FOXP2: variants seen among roughly 807,000 people sequenced by gnomAD.
FOXP2 encodes forkhead box P2.
Under a neutral mutation model 115.8 loss-of-function variants are expected in FOXP2, and 12 were observed. The observed-to-expected ratio is 0.10, with a 90% CI of 0.07 to 0.17. The LOEUF (loss-of-function observed/expected upper bound fraction) is 0.17, where lower values mean the gene tolerates loss of function less well. Ranked by LOEUF, FOXP2 falls within the 10% of genes least tolerant of loss-of-function variation. The pLI, the probability that FOXP2 is intolerant of heterozygous loss-of-function variation, is 1.00. For missense variants in FOXP2, 629 were observed against 843.5 expected (o/e 0.75, Z 3.15); for synonymous variants, 328 against 297.7 (o/e 1.10, Z -1.05).
chr7:114,268,484 C>A (rs183816649), intron 1 of FOXP2, among the ~76,000 whole-genome samples: 1 of 152,228 alleles, frequency 6.6e-6, no homozygotes, highest in African/African-American at 2.4e-5. Flanking sequence ...AATATCCATA[C>A]AAATTTTGTG....
intron 1 of FOXP2, among the ~76,000 whole-genome samples, chr7:114,190,168 A>G (rs555757492): frequency 6.6e-6 from 1 of 152,292 alleles, no homozygotes; most frequent in South Asian, 2.1e-4. Context: ...TAATTTTATA[A>G]ATCAACTTGA....
chr7:114,499,173 A>G (rs1185940305), intron 2 of FOXP2: 1 of 460,072 alleles, frequency 2.2e-6, no homozygotes, highest in East Asian at 3.5e-5. Context: ...GAATCATGAG[A>G]TCCAGCTCAC....
At chr7:114,116,259 G>A (rs1281063946) in intron 1 of FOXP2, among the ~76,000 whole-genome samples, 1 of 152,126 alleles carries the variant, frequency 6.6e-6, no homozygotes, top group African/African-American at 2.4e-5. Context: ...AGCCTTCCAG[G>A]ATTGGGCTAG....
chr7:114,644,175 T>C (rs1396157466), intron 7 of FOXP2, among the ~76,000 whole-genome samples: 1 of 152,168 alleles, frequency 6.6e-6, no homozygotes, highest in Non-Finnish European at 1.5e-5. Context: ...ATAAAGCTAA[T>C]GAATACTGTT....
At chr7:114,366,507 A>G (rs1278930915) in intron 2 of FOXP2, 3 of 152,158 alleles carry the variant, frequency 2.0e-5, no homozygotes, top group Non-Finnish European at 4.4e-5. Context: ...CTAAAAAGCC[A>G]GTACTCATAT....
At chr7:114,512,389 T>C (rs922310392) in intron 2 of FOXP2, among the ~76,000 whole-genome samples, 15 of 152,178 alleles carry the variant, frequency 9.9e-5, no homozygotes, top group African/African-American at 3.4e-4. Flanking sequence ...TCTCAAAAGC[T>C]TATTTATAAC....
At chr7:114,501,970 A>G (rs939937636) in intron 2 of FOXP2, among the ~76,000 whole-genome samples, 1 of 152,072 alleles carries the variant, frequency 6.6e-6, no homozygotes, top group Non-Finnish European at 1.5e-5. Context: ...TCTTATTTTA[A>G]CTTAAATCTC....
chr7:114,460,931 A>T (rs985705563), intron 2 of FOXP2, among the ~76,000 whole-genome samples: 12 of 152,292 alleles, frequency 7.9e-5, no homozygotes, highest in African/African-American at 2.9e-4. Context: ...CCTCTATCCG[A>T]ATCTTTACCA....
chr7:114,513,865 A>G (rs1357019756), intron 2 of FOXP2, among the ~76,000 whole-genome samples: 4 of 152,086 alleles, frequency 2.6e-5, no homozygotes, highest in Admixed American at 1.3e-4. Flanking sequence ...CACAAACAAA[A>G]GGCATACAGG....
chr7:114,545,232 G>T (rs1233468526), intron 3 of FOXP2, among the ~76,000 whole-genome samples: 2 of 152,138 alleles, frequency 1.3e-5, no homozygotes, highest in East Asian at 3.8e-4. Flanking sequence ...CCCTTGCAAT[G>T]AAAAGGCTGA....
At chr7:114,639,243 A>G (rs1205573817) in intron 6 of FOXP2, among the ~76,000 whole-genome samples, 2 of 152,200 alleles carry the variant, frequency 1.3e-5, no homozygotes, top group Admixed American at 6.5e-5. Flanking sequence ...CTGGTCTTGT[A>G]TTGTAGCAAT....
intron 3 of FOXP2, among the ~76,000 whole-genome samples, chr7:114,548,706 T>C (rs1428117020): frequency 6.6e-6 from 1 of 152,156 alleles, no homozygotes; most frequent in Non-Finnish European, 1.5e-5. Flanking sequence ...CAATACAAAG[T>C]AAACTATGCA....
chr7:114,423,496 A>G (rs550197584), intron 1 of FOXP2, among the ~76,000 whole-genome samples: 104 of 151,776 alleles, frequency 6.9e-4, no homozygotes, highest in Non-Finnish European at 1.2e-3. Flanking sequence ...GTACGATGAA[A>G]GACTTAAGGG....
intron 3 of FOXP2, among the ~76,000 whole-genome samples, chr7:114,589,140 T>G (rs1802310400): frequency 6.6e-6 from 1 of 152,190 alleles, no homozygotes; most frequent in Non-Finnish European, 1.5e-5. Flanking sequence ...AGATACAAAT[T>G]GCAAGATTCT....
chr7:114,449,937 G>A (rs938968552), intron 2 of FOXP2, among the ~76,000 whole-genome samples: 2 of 151,932 alleles, frequency 1.3e-5, no homozygotes, highest in Admixed American at 6.6e-5. Context: ...TAAAAATACA[G>A]TTCACTTTAT....
At chr7:114,409,754 A>T (rs1793121136), upstream of FOXP2, among the ~76,000 whole-genome samples, 4 of 152,066 alleles carry the variant, frequency 2.6e-5, no homozygotes, top group African/African-American at 9.7e-5. Flanking sequence ...ATCTCTTCAT[A>T]CATTTTATTA....
At chr7:114,448,844 T>C (rs1794949363) in intron 2 of FOXP2, among the ~76,000 whole-genome samples, 1 of 152,168 alleles carries the variant, frequency 6.6e-6, no homozygotes, top group East Asian at 1.9e-4. Flanking sequence ...GATTAGATTG[T>C]TAAACTTCTT....
At chr7:114,542,000 A>G (rs1035947895) in intron 3 of FOXP2, among the ~76,000 whole-genome samples, 2 of 152,086 alleles carry the variant, frequency 1.3e-5, no homozygotes, top group Non-Finnish European at 2.9e-5. Context: ...CAGTGTCAGC[A>G]CATGATTAAA....
intron 2 of FOXP2, among the ~76,000 whole-genome samples, chr7:114,464,374 C>T (rs1412178514): frequency 6.6e-6 from 1 of 152,118 alleles, no homozygotes; most frequent in Non-Finnish European, 1.5e-5. Flanking sequence ...TAGAAGCAAC[C>T]ATGAGTTCAC....
Sources: gnomAD v4.1 joint callset for allele counts (sites outside exome capture counted in the v4.1 genomes callset) on GRCh38, gnomAD v4.1.1 for gene constraint, MANE v1.5 for transcripts, NCBI Gene and HGNC (gene_info 2026-07-23, HGNC 2026-07-21) for gene names.